Variants in STT3A observed in about 807,000 individuals in gnomAD.
STT3A encodes STT3 oligosaccharyltransferase complex catalytic subunit A.
STT3A carries 34 observed loss-of-function variants against 89.2 expected under a neutral mutation model. The ratio of observed to expected loss-of-function variants is 0.38; its 90% CI spans 0.29 to 0.51. STT3A has a LOEUF of 0.51. Ranked by LOEUF, STT3A falls within the 20% of genes least tolerant of loss-of-function variation. The pLI is 0.89. For missense variants in STT3A, 555 were observed against 889.5 expected (o/e 0.62, Z 4.78); for synonymous variants, 282 against 310.3 (o/e 0.91, Z 0.96).
chr11:125,603,287 C>T (rs928813650), intron 5 of STT3A: 10 of 188,946 alleles, frequency 5.3e-5, no homozygotes, highest in East Asian at 4.1e-4. Flanking sequence ...CATTCCAAAA[C>T]GGTTAGTTTT....
In STT3A at chr11:125,614,210, T is replaced by C. The variant is rs371911675; in HGVS notation, c.1671+7T>C. ...TATTTCTCGAGTAGGGCAGGTAAGA[T>C]AAAGGGATGATCTTTGAGTGTTTGG... On this transcript the variant is annotated splice_region_variant and intron_variant, in intron 14 of 17. Transcript: ENST00000392708. The surrounding 1 kb of genome is among the most constrained non-coding windows in gnomAD (Gnocchi z 4.9). 121 of 1,613,646 alleles carry C rather than the reference T, an allele frequency of 7.5e-5. No individual in the cohort carries two copies. Among genetic ancestry groups the C allele is most frequent in the Non-Finnish European group, 9.4e-5 (111 of 1,179,656 alleles).
rs765580288 is a variant in STT3A at position 125,608,232 on chromosome 11, G to A, written c.904G>A (p.Val302Ile). 1.2e-5 allele frequency: 19 copies of A among 1,614,010 alleles called. No homozygotes were observed. In the East Asian group the frequency reaches 1.3e-4, roughly 11 times the overall value. ...ACAATTTGAAGTTCTTTTCCGGAGCGTCATCTCTCTGGTAGGCTTTGTCCT... is the reference window on the plus strand; with the variant it reads ...ACAATTTGAAGTTCTTTTCCGGAGCATCATCTCTCTGGTAGGCTTTGTCCT... ...PQQFEVLFRS[V>I]ISLVGFVLLT... The change falls in exon 9 of 18, where the codon GTC becomes ATC. Residue 302 changes from valine (V) to isoleucine (I), a missense_variant. Val to Ile is a conservative substitution (Grantham distance 29, BLOSUM62 3). This residue lies in a region of STT3A where 149 missense variants were observed against 206.2 expected (regional missense o/e 0.72). Transcript: ENST00000392708.
At chr11:125,606,586 T>C (rs569695024) in intron 8 of STT3A, 121 bp downstream of exon 8, 1 of 1,103,030 alleles carries the variant, frequency 9.1e-7, no homozygotes, top group Non-Finnish European at 1.2e-6. Flanking sequence ...TATATTGAAC[T>C]ACTTGTGTTA....
chr11:125,620,704 A>G, intron 17 of STT3A, 68 bp from the exon 18 acceptor site: 1 of 1,517,276 alleles, frequency 6.6e-7, no homozygotes, highest in Non-Finnish European at 9.1e-7. Flanking sequence ...GGGTGAATCC[A>G]TTTTAGTAGA....
At position 125,613,214 on chromosome 11, in the gene STT3A, G is replaced by T. The variant is rs113922239; in HGVS notation, c.1554+37G>T. ...GGAGGGGTGGGAATTGTGGGTTAGG[G>T]GCAAAGGGGAAGACATTTGATGTTA... is the stretch of plus-strand genomic sequence containing the variant. On this transcript the variant is annotated intron_variant, in intron 13 of 17. Coordinates refer to ENST00000392708, the MANE Select transcript of STT3A (RefSeq NM_152713.5). The surrounding 1 kb of genome is among the most constrained non-coding windows in gnomAD (Gnocchi z 4.2). 1.2e-5 allele frequency: 20 copies of T among 1,605,840 alleles called. 1 individual carries two copies. The African/African-American group carries it at 1.7e-4, about 14-fold the overall frequency.
At position 125,608,281 on chromosome 11, in the gene STT3A, T is replaced by C; in HGVS notation, c.953T>C (p.Met318Thr). 7 of 1,603,196 alleles carry C rather than the reference T, an allele frequency of 4.4e-6. No homozygotes were observed. Among genetic ancestry groups the C allele is most frequent in the Non-Finnish European group, 5.9e-6 (7 of 1,176,894 alleles). Residue 318 changes from methionine to threonine, a missense_variant, in exon 9 of 18, where the codon ATG becomes ACG. By Grantham distance (81) the Met-to-Thr change is moderately conservative. This residue lies in a region of STT3A where 149 missense variants were observed against 206.2 expected (regional missense o/e 0.72). Coordinates refer to ENST00000392708, the MANE Select transcript of STT3A (RefSeq NM_152713.5). Reference sequence around the variant, plus strand: ...CTTCTCACCGTGGGAGCTCTCCTCATGCTGACAGGTAGGGAAGGCTCACAG... The same window carrying C: ...CTTCTCACCGTGGGAGCTCTCCTCACGCTGACAGGTAGGGAAGGCTCACAG... ...FVLLTVGALL[M>T]LTGKISPWTG...
intron 9 of STT3A, 114 bp from the exon 10 acceptor site, chr11:125,609,319 AC>A: frequency 6.5e-6 from 9 of 1,380,232 alleles, no homozygotes; most frequent in Non-Finnish European, 7.7e-6. Flanking sequence ...TTAAGCAAAA[AC>A]CTAATCCTTC....
chr11:125,592,281 C>A, upstream of STT3A: 1 of 394,796 alleles, frequency 2.5e-6, no homozygotes, highest in Non-Finnish European at 5.1e-6. Context: ...ACAGTAAAAG[C>A]TCGAGTCAAC....
intron 10 of STT3A, chr11:125,610,810 C>T (rs1157516478): frequency 6.6e-6 from 1 of 152,466 alleles, no homozygotes; most frequent in East Asian, 1.9e-4. Context: ...GTAGTGTGCA[C>T]CTTTAGTCCC....
chr11:125,600,974 G>A (rs1431059255), intron 3 of STT3A, among the ~76,000 whole-genome samples: 2 of 152,024 alleles, frequency 1.3e-5, no homozygotes, highest in African/African-American at 4.8e-5. Flanking sequence ...ATGTTTTGTA[G>A]AGACAGAGTC....
chr11:125,602,796 G>A lies in STT3A; in HGVS notation c.272-7G>A. ...CAACCTAATGGAGTTTCTTCTTCCTGTTACAGGTTTAATGATCACCTCTGC... is the reference window on the plus strand; with the variant it reads ...CAACCTAATGGAGTTTCTTCTTCCTATTACAGGTTTAATGATCACCTCTGC... On this transcript the variant is annotated splice_region_variant and splice_polypyrimidine_tract_variant and intron_variant, in intron 4 of 17. Coordinates refer to ENST00000392708, the MANE Select transcript of STT3A (RefSeq NM_152713.5). 2 of 1,613,936 alleles carry A rather than the reference G, an allele frequency of 1.2e-6. No homozygotes were observed. Among genetic ancestry groups the A allele is most frequent in the African/African-American group, 1.3e-5 (1 of 74,976 alleles).
intron 2 of STT3A, 123 bp downstream of exon 2, chr11:125,596,126 C>T (rs1385277843): frequency 3.9e-6 from 3 of 771,850 alleles, no homozygotes; most frequent in Non-Finnish European, 4.3e-6. Context: ...TTTTCCATTC[C>T]TCATTAGTAT....
chr11:125,620,565 G>A (rs1000547329), intron 17 of STT3A, among the ~76,000 whole-genome samples: 5 of 152,196 alleles, frequency 3.3e-5, no homozygotes, highest in Admixed American at 2.0e-4. Flanking sequence ...GTGGAGGGTA[G>A]ATCAGTAATA....
Position 125,613,147 on chromosome 11 carries a change from A to G in STT3A, c.1524A>G (p.Ala508=). Residue 508 remains alanine, a synonymous_variant, in exon 13 of 18, where the codon GCA becomes GCG. Coordinates refer to ENST00000392708, the MANE Select transcript of STT3A (RefSeq NM_152713.5). The surrounding 1 kb of genome is among the most constrained non-coding windows in gnomAD (Gnocchi z 4.2). Reference sequence around the variant, plus strand: ...TCATATTTGATGACTTCCGAGAAGCATATTATTGGCTTCGTCATAATACTC... The same window carrying G: ...TCATATTTGATGACTTCCGAGAAGCGTATTATTGGCTTCGTCATAATACTC... The part of the protein sequence containing the change: ...SRIIFDDFRE[A]YYWLRHNTPE... The G allele has an allele frequency of 1.2e-6, 2 of 1,612,932 alleles. No individual in the cohort carries two copies. Among genetic ancestry groups the G allele is most frequent in the Non-Finnish European group, 1.7e-6 (2 of 1,179,286 alleles).
chr11:125,602,943 C>T lies in STT3A; in HGVS notation c.412C>T (p.Leu138Phe), dbSNP rs1171678619. Reference sequence around the variant, plus strand: ...CGTCACGTACCACCTTACCAAAGAGCTCAAGGTGAAGGATTTGGGGTGACA... The same window carrying T: ...CGTCACGTACCACCTTACCAAAGAGTTCAAGGTGAAGGATTTGGGGTGACA... Reference protein sequence around the residue: ...TIVTYHLTKELKDAGAGLLAA... With the variant: ...TIVTYHLTKEFKDAGAGLLAA... Residue 138 changes from leucine to phenylalanine, a missense_variant, in exon 5 of 18, where the codon CTC becomes TTC. Leu to Phe is a conservative substitution (Grantham distance 22, BLOSUM62 0). This residue lies in a region of STT3A where 129 missense variants were observed against 193.2 expected (regional missense o/e 0.67). Coordinates refer to ENST00000392708, the MANE Select transcript of STT3A (RefSeq NM_152713.5). 1.2e-6 allele frequency: 2 copies of T among 1,613,902 alleles called. No individual in the cohort carries two copies. The highest frequency in any genetic ancestry group is 2.7e-5 in the African/African-American group (2 of 74,894).
chr11:125,619,891 C>A (rs1038175554), intron 16 of STT3A, 120 bp from the exon 17 acceptor site: 7 of 854,452 alleles, frequency 8.2e-6, no homozygotes, highest in South Asian at 1.7e-5. Flanking sequence ...GCTCTACTCT[C>A]AACAAATTGC....
intron 3 of STT3A, 102 bp downstream of exon 3, chr11:125,597,221 C>T: frequency 8.4e-7 from 1 of 1,187,020 alleles, no homozygotes; most frequent in Non-Finnish European, 1.2e-6. Flanking sequence ...TAGAGATGTG[C>T]TTTCAGTACA....
intron 3 of STT3A, among the ~76,000 whole-genome samples, chr11:125,600,594 C>T (rs1939643684): frequency 6.6e-6 from 1 of 151,552 alleles, no homozygotes; most frequent in Admixed American, 6.6e-5. Flanking sequence ...AACTCCTGAG[C>T]TCAAGTGATC....
At chr11:125,593,503 A>C (rs954464412) in intron 1 of STT3A, 2 of 152,244 alleles carry the variant, frequency 1.3e-5, no homozygotes, top group African/African-American at 2.4e-5. Flanking sequence ...AAAGAGCACG[A>C]GATGAAATCT....
Sources: allele counts gnomAD v4.1 joint callset (sites outside exome capture counted in the v4.1 genomes callset), GRCh38; gene constraint gnomAD v4.1.1; regional missense constraint gnomAD v4.1.1; non-coding constraint Gnocchi (gnomAD v3.1); transcripts MANE v1.5; gene names NCBI Gene and HGNC (gene_info 2026-07-23, HGNC 2026-07-21).